MYO1E: variants seen among roughly 807,000 people sequenced by gnomAD.
MYO1E encodes the protein unconventional myosin-Ie.
A neutral mutation model predicts 151.1 loss-of-function variants in MYO1E; 68 were observed. The observed-to-expected ratio is 0.45, with a 90% CI of 0.37 to 0.55. The LOEUF (loss-of-function observed/expected upper bound fraction) is 0.55, where lower values mean the gene tolerates loss of function less well. Among genes scored for constraint, MYO1E ranks in the 20% least tolerant of loss-of-function variants. The pLI is 0.00. For missense variants in MYO1E, 1,363 were observed against 1,389.3 expected, an observed-to-expected ratio of 0.98 and a Z score of 0.30; for synonymous variants, 601 against 501.7, an observed-to-expected ratio of 1.20 and a Z score of -2.64.
chr15:59,328,147 A>C (rs2080677127), intron 1 of MYO1E, among the ~76,000 whole-genome samples: 1 of 152,226 alleles, frequency 6.6e-6, no homozygotes, highest in African/African-American at 2.4e-5. Flanking sequence ...AGGGTGAGAG[A>C]AAGTTCACCC....
chr15:59,354,297 T>C (rs1181795283), intron 1 of MYO1E, among the ~76,000 whole-genome samples: 1 of 152,188 alleles, frequency 6.6e-6, no homozygotes, highest in Non-Finnish European at 1.5e-5. Context: ...GATGGCACGT[T>C]GGCTTAAGGA....
intron 4 of MYO1E, among the ~76,000 whole-genome samples, chr15:59,240,063 C>T (rs2080090511): frequency 6.6e-6 from 1 of 152,204 alleles, no homozygotes; most frequent in Admixed American, 6.5e-5. Flanking sequence ...CCAGGCAGCC[C>T]GTCCTAATTT....
At chr15:59,256,451 T>C in intron 3 of MYO1E, 73 bp from the exon 4 acceptor site, 1 of 813,744 alleles carries the variant, frequency 1.2e-6, no homozygotes, top group Non-Finnish European at 1.9e-6. Context: ...CATGGTCAGA[T>C]AGGCAATACA....
At chr15:59,306,005 G>A (rs1475118509) in intron 1 of MYO1E, among the ~76,000 whole-genome samples, 1 of 152,126 alleles carries the variant, frequency 6.6e-6, no homozygotes, top group African/African-American at 2.4e-5. Context: ...AATGTTAAGT[G>A]GGAGAGAAAT....
At chr15:59,317,072 T>C (rs1443492676) in intron 1 of MYO1E, among the ~76,000 whole-genome samples, 2 of 152,228 alleles carry the variant, frequency 1.3e-5, no homozygotes, top group African/African-American at 4.8e-5. Flanking sequence ...CTGATGTTTG[T>C]ATATGCCAAA....
At chr15:59,141,103 A>T (rs1045214220) in intron 26 of MYO1E, among the ~76,000 whole-genome samples, 1 of 152,180 alleles carries the variant, frequency 6.6e-6, no homozygotes, top group African/African-American at 2.4e-5. Context: ...ATTAGCCTGG[A>T]TACCAGACGT....
At chr15:59,218,325 G>A (rs1279269652) in intron 9 of MYO1E, 1 of 643,438 alleles carries the variant, frequency 1.6e-6, no homozygotes, top group Non-Finnish European at 2.9e-6. Flanking sequence ...TGATGACTGA[G>A]ACTTCCAATA....
chr15:59,252,959 A>G (rs1299865771), intron 4 of MYO1E, among the ~76,000 whole-genome samples: 2 of 152,226 alleles, frequency 1.3e-5, no homozygotes. Context: ...TACGCAGGAA[A>G]TATACAAGAT....
Position 59,231,736 on chromosome 15 carries a change from G to A in MYO1E, c.476C>T (p.Ala159Val), listed in dbSNP as rs1470594549. Reference sequence around the variant, plus strand: ...GGAGTTGTTGTTCCGGACGGTCTTGGCGTTCCCGAAGGCCTCCAGCAGCGG... The same window carrying A: ...GGAGTTGTTGTTCCGGACGGTCTTGACGTTCCCGAAGGCCTCCAGCAGCGG... Reference protein sequence around the residue: ...SNPLLEAFGNAKTVRNNNSSR... With the variant: ...SNPLLEAFGNVKTVRNNNSSR... Residue 159 changes from alanine to valine, a missense_variant, in exon 6 of 28, where the codon GCC becomes GTC. Coordinates refer to ENST00000288235, the MANE Select transcript of MYO1E (RefSeq NM_004998.4). 2 of 1,614,156 alleles carry A rather than the reference G, an allele frequency of 1.2e-6. No individual in the cohort carries two copies. The highest frequency in any genetic ancestry group is 1.7e-5 in the Admixed American group (1 of 60,022).
intron 1 of MYO1E, among the ~76,000 whole-genome samples, chr15:59,330,556 T>C (rs557007087): frequency 6.2e-4 from 95 of 152,338 alleles, no homozygotes; most frequent in African/African-American, 2.1e-3. Flanking sequence ...AGGGAGGTAC[T>C]GTAATAATAG....
chr15:59,218,600 T>A (rs890047552), intron 9 of MYO1E, among the ~76,000 whole-genome samples: 1 of 152,230 alleles, frequency 6.6e-6, no homozygotes. Flanking sequence ...TGTGTAGGGT[T>A]ACTAAAGAGA....
At chr15:59,144,737 T>C (rs563553628) in intron 26 of MYO1E, among the ~76,000 whole-genome samples, 1 of 152,158 alleles carries the variant, frequency 6.6e-6, no homozygotes, top group African/African-American at 2.4e-5. Context: ...TGGAACACAG[T>C]TGGTGGGAAC....
chr15:59,175,598 A>G (rs1011158991), intron 19 of MYO1E, among the ~76,000 whole-genome samples: 15 of 152,216 alleles, frequency 9.9e-5, no homozygotes, highest in African/African-American at 2.7e-4. Context: ...CTAAACCCCA[A>G]GTGGAATGCA....
intron 14 of MYO1E, chr15:59,206,795 G>C: frequency 1.3e-6 from 1 of 754,742 alleles, no homozygotes; most frequent in Non-Finnish European, 2.1e-6. Flanking sequence ...GGCAAGGCCC[G>C]CGCAGCCGCA....
intron 1 of MYO1E, among the ~76,000 whole-genome samples, chr15:59,304,212 AC>A (rs1475566367): frequency 6.6e-6 from 1 of 151,940 alleles, no homozygotes; most frequent in Admixed American, 6.6e-5. Flanking sequence ...CAAACTCCTG[AC>A]CTCAGGTGAG....
chr15:59,321,969 T>C lies in MYO1E; in HGVS notation c.4-49520A>G, dbSNP rs150270742. On this transcript the variant is annotated intron_variant, in intron 1 of 27. Transcript: ENST00000288235. The stretch of plus-strand genomic sequence containing the variant: ...CAGGCAGACCACCTGAGGTCAGGAA[T>C]TGGAGACTAGCCTGGCCAACATGGC... Among the ~76,000 whole-genome samples, 1,042 of 152,196 alleles carry C rather than the reference T, an allele frequency of 6.8e-3. 11 individuals are homozygous for C. The highest frequency in any genetic ancestry group is 0.024 in the African/African-American group (978 of 41,506).
chr15:59,295,488 G>A (rs1197208359), intron 1 of MYO1E, among the ~76,000 whole-genome samples: 2 of 152,334 alleles, frequency 1.3e-5, no homozygotes, highest in East Asian at 3.9e-4. Context: ...CTACAGACAG[G>A]AAACAGGCAG....
intron 1 of MYO1E, among the ~76,000 whole-genome samples, chr15:59,313,627 C>T (rs1371436773): frequency 1.3e-5 from 2 of 151,926 alleles, no homozygotes; most frequent in Admixed American, 6.6e-5. Context: ...TTTCTGAGAA[C>T]CTCCAGCAAT....
At chr15:59,366,319 T>C (rs2080913380) in intron 1 of MYO1E, among the ~76,000 whole-genome samples, 1 of 149,730 alleles carries the variant, frequency 6.7e-6, no homozygotes, top group Non-Finnish European at 1.5e-5. Flanking sequence ...TTTCTCTCTC[T>C]CTCTCTCACT....
Sources: allele counts gnomAD v4.1 joint callset (sites outside exome capture counted in the v4.1 genomes callset), GRCh38; gene constraint gnomAD v4.1.1; transcripts MANE v1.5; gene names NCBI Gene and HGNC (gene_info 2026-07-23, HGNC 2026-07-21).